Variants in CTNNA3 observed in about 807,000 individuals in gnomAD.
CTNNA3 encodes the protein catenin alpha-3.
CTNNA3 carries 76 observed loss-of-function variants against 95.7 expected under a neutral mutation model. That is an observed-to-expected ratio of 0.79 (90% confidence interval 0.66 to 0.96). The LOEUF is 0.96. CTNNA3 is among the 40% of genes least tolerant of loss of function. The pLI is 0.00. For synonymous variants in CTNNA3, 431 were observed against 374.4 expected (o/e 1.15, Z -1.74); for missense variants, 1,191 against 1,089.8 (o/e 1.09, Z -1.31).
chr10:66,821,506 T>C (rs921657855), intron 7 of CTNNA3, among the ~76,000 whole-genome samples: 3 of 152,126 alleles, frequency 2.0e-5, no homozygotes, highest in Non-Finnish European at 4.4e-5. Flanking sequence ...TCACCACAGC[T>C]GAAAATTCAC....
chr10:66,098,433 A>C (rs1033160657), intron 14 of CTNNA3, among the ~76,000 whole-genome samples: 1 of 152,212 alleles, frequency 6.6e-6, no homozygotes, highest in Non-Finnish European at 1.5e-5. Flanking sequence ...ATAACAAAAA[A>C]TAAGCTCCAG....
At chr10:67,283,957 G>A (rs1256192192) in intron 5 of CTNNA3, among the ~76,000 whole-genome samples, 1 of 152,154 alleles carries the variant, frequency 6.6e-6, no homozygotes, top group Non-Finnish European at 1.5e-5. Context: ...AGGCCACTGT[G>A]TATACACATT....
chr10:66,233,717 G>A (rs1248431467), intron 13 of CTNNA3, among the ~76,000 whole-genome samples: 1 of 152,096 alleles, frequency 6.6e-6, no homozygotes, highest in African/African-American at 2.4e-5. Context: ...ACTTCTGGTG[G>A]ATTAAACATA....
At chr10:66,621,200 TAAATC>T (rs1405040630) in intron 10 of CTNNA3, among the ~76,000 whole-genome samples, 5 of 152,174 alleles carry the variant, frequency 3.3e-5, no homozygotes, top group African/African-American at 1.2e-4. Flanking sequence ...TTACTAAAAA[TAAATC>T]AAATCATTTG....
intron 7 of CTNNA3, among the ~76,000 whole-genome samples, chr10:66,842,369 A>C (rs1310495935): frequency 6.6e-6 from 1 of 152,236 alleles, no homozygotes; most frequent in Non-Finnish European, 1.5e-5. Context: ...GGAATAAGAA[A>C]TAGGCATGAA....
Position 66,367,850 on chromosome 10 carries a change from TATAATA to T in CTNNA3, c.1732+11296_1732+11301del, listed in dbSNP as rs201921395. The stretch of plus-strand genomic sequence containing the variant: ...TTCTGCATCTTTTTAAGGCTTCTTT[TATAATA>T]ATAATAATAATAATAATAATAATAA... On this transcript the variant is annotated intron_variant, in intron 12 of 17. Coordinates refer to ENST00000433211, the MANE Select transcript of CTNNA3 (RefSeq NM_013266.4). 5.0e-3 allele frequency among the ~76,000 whole-genome samples: 503 copies of T among 100,158 alleles called. 5 individuals are homozygous for T. Among genetic ancestry groups the T allele is most frequent in the African/African-American group, 0.018 (440 of 24,074 alleles). 65.7% of individuals were successfully genotyped at this position (100,158 alleles called of 152,430 possible).
chr10:66,606,185 T>C (rs192728874), intron 10 of CTNNA3, among the ~76,000 whole-genome samples: 30 of 152,214 alleles, frequency 2.0e-4, no homozygotes, highest in African/African-American at 6.5e-4. Context: ...AAGGACATTA[T>C]ATAACAGTAA....
intron 3 of CTNNA3, among the ~76,000 whole-genome samples, chr10:67,541,295 T>C (rs1840677807): frequency 6.6e-6 from 1 of 152,020 alleles, no homozygotes. Flanking sequence ...TATCCATTTA[T>C]GGATTACATC....
intron 7 of CTNNA3, among the ~76,000 whole-genome samples, chr10:67,096,461 TCAAA>T (rs1858000823): frequency 6.6e-6 from 1 of 151,892 alleles, no homozygotes; most frequent in Non-Finnish European, 1.5e-5. Flanking sequence ...TCTGATGTGC[TCAAA>T]CAAATATACA....
At chr10:66,859,766 C>T in intron 7 of CTNNA3, among the ~76,000 whole-genome samples, 1 of 127,720 alleles carries the variant, frequency 7.8e-6, no homozygotes, top group South Asian at 2.5e-4. Flanking sequence ...GGAACCAACC[C>T]AAATGTCCAA....
At position 65,966,713 on chromosome 10, in the gene CTNNA3, C is replaced by T. The variant is rs972917241; in HGVS notation, c.2299G>A (p.Ala767Thr). 1 of 1,612,334 alleles carries T rather than the reference C, an allele frequency of 6.2e-7. No individual in the cohort carries two copies. The highest frequency in any genetic ancestry group is 8.5e-7 in the Non-Finnish European group (1 of 1,178,786). Residue 767 changes from alanine to threonine, a missense_variant, in exon 17 of 18, where the codon GCC (alanine) becomes ACC (threonine). Physicochemically the swap from Ala to Thr is moderately conservative, Grantham distance 58. Transcript: ENST00000433211. ...TAGAACTTAATCTGTTCCAGGTAGG[C>T]CAACAAGTCCTGTTTACAAGATGGA... is the stretch of plus-strand genomic sequence containing the variant. Reference protein sequence around the residue: ...PDPSCKQDLLAYLEQIKFYSH... With the variant: ...PDPSCKQDLLTYLEQIKFYSH...
At chr10:67,716,713 G>A (rs1841145819) in intron 1 of CTNNA3, among the ~76,000 whole-genome samples, 2 of 152,124 alleles carry the variant, frequency 1.3e-5, no homozygotes, top group Non-Finnish European at 2.9e-5. Flanking sequence ...TCTTTATCCA[G>A]TCTATCATTG....
chr10:66,517,406 G>A (rs2132011863), intron 11 of CTNNA3, among the ~76,000 whole-genome samples: 1 of 152,076 alleles, frequency 6.6e-6, no homozygotes, highest in East Asian at 1.9e-4. Flanking sequence ...AGGTCATAAA[G>A]ACCTTGCTGA....
chr10:66,508,211 T>TTTTTTTTTTTTTTTTTTTTTTTTTG (rs1491247894), intron 11 of CTNNA3, among the ~76,000 whole-genome samples: 48 of 91,108 alleles, frequency 5.3e-4, no homozygotes, highest in Non-Finnish European at 7.6e-4. Flanking sequence ...TTGTTTTCTG[T>TTTTTTTTTTTTTTTTTTTTTTTTTG]TTTTTTTTTT....
chr10:67,295,177 T>C (rs1839985417), intron 5 of CTNNA3, among the ~76,000 whole-genome samples: 3 of 152,232 alleles, frequency 2.0e-5, no homozygotes, highest in Non-Finnish European at 4.4e-5. Flanking sequence ...ACGTAGTAAG[T>C]GGTTCATGAT....
At chr10:66,703,800 G>T (rs1427324197) in intron 9 of CTNNA3, among the ~76,000 whole-genome samples, 2 of 152,074 alleles carry the variant, frequency 1.3e-5, no homozygotes, top group Non-Finnish European at 2.9e-5. Flanking sequence ...TCTTTCTGGG[G>T]CAACAGTACC....
chr10:65,965,487 T>G (rs538683314), intron 17 of CTNNA3, among the ~76,000 whole-genome samples: 1 of 143,092 alleles, frequency 7.0e-6, no homozygotes, highest in African/African-American at 2.6e-5. Context: ...TAACTGAAAC[T>G]TCCACCTCCT....
intron 7 of CTNNA3, among the ~76,000 whole-genome samples, chr10:66,826,739 A>G (rs1842529293): frequency 6.6e-6 from 1 of 152,212 alleles, no homozygotes; most frequent in African/African-American, 2.4e-5. Context: ...CTGTGATTGT[A>G]TCCTGGTAAC....
intron 5 of CTNNA3, among the ~76,000 whole-genome samples, chr10:67,370,214 A>T (rs1320506167): frequency 6.6e-6 from 1 of 151,864 alleles, no homozygotes; most frequent in African/African-American, 2.4e-5. Context: ...AGATCTCTAT[A>T]TGCTGATGTG....
Sources: allele counts gnomAD v4.1 joint callset (sites outside exome capture counted in the v4.1 genomes callset), GRCh38; gene constraint gnomAD v4.1.1; transcripts MANE v1.5; gene names NCBI Gene and HGNC (gene_info 2026-07-23, HGNC 2026-07-21).